Variants in OLFM1 observed in about 807,000 individuals in gnomAD.
The protein encoded by OLFM1 is noelin.
Under a neutral mutation model 49.7 loss-of-function variants are expected in OLFM1, and 9 were observed. That is an observed-to-expected ratio of 0.18 (90% confidence interval 0.11 to 0.32). The LOEUF is 0.32. Among genes scored for constraint, OLFM1 ranks in the 10% least tolerant of loss-of-function variants. The pLI is 1.00. For synonymous variants in OLFM1, 240 were observed against 271.8 expected (o/e 0.88, Z 1.15); for missense variants, 369 against 661.8 (o/e 0.56, Z 4.85).
At chr9:135,094,041 G>A (rs1348457724) in intron 2 of OLFM1, among the ~76,000 whole-genome samples, 6 of 152,210 alleles carry the variant, frequency 3.9e-5, no homozygotes, top group Non-Finnish European at 8.8e-5. Flanking sequence ...ACTGAGGCCA[G>A]CATGAGCTCA....
At chr9:135,086,680 G>C (rs1312382269), upstream of OLFM1, 1 of 456,074 alleles carries the variant, frequency 2.2e-6, no homozygotes, top group Non-Finnish European at 4.4e-6. Flanking sequence ...CTATTAACGT[G>C]TTTGACCCAG....
At chr9:135,118,975 G>A (rs977663317) in intron 5 of OLFM1, among the ~76,000 whole-genome samples, 6 of 151,360 alleles carry the variant, frequency 4.0e-5, no homozygotes, top group African/African-American at 4.9e-5. Flanking sequence ...AATGCTCGCC[G>A]GGTCTTTGGC....
chr9:135,082,804 C>T (rs1261503591), upstream of OLFM1, among the ~76,000 whole-genome samples: 1 of 152,138 alleles, frequency 6.6e-6, no homozygotes, highest in Non-Finnish European at 1.5e-5. Flanking sequence ...CTCCCAGGGG[C>T]TGCAGCAGTC....
At position 135,117,598 on chromosome 9, in the gene OLFM1, G is replaced by A. The variant is rs1831113241; in HGVS notation, c.784-1906G>A. On this transcript the variant is annotated intron_variant, in intron 5 of 5. Transcript: ENST00000371793. The surrounding 1 kb of genome is among the most constrained non-coding windows in gnomAD (Gnocchi z 5.5). ...GCCAGGTGGCTGTGCCCCTTCGAAG[G>A]CCCCCTTCAGCCCTGGGTTCTGTAC... 6.6e-6 allele frequency among the ~76,000 whole-genome samples: 1 copy of A among 152,170 alleles called. No individual in the cohort carries two copies. The highest frequency in any genetic ancestry group is 2.4e-5 in the African/African-American group (1 of 41,448).
At chr9:135,076,137 G>A (rs1830462106) in intron 1 of OLFM1, 3 of 1,549,550 alleles carry the variant, frequency 1.9e-6, no homozygotes, top group Non-Finnish European at 2.6e-6. Flanking sequence ...TCATCTGGAG[G>A]GGGAAGAGTG....
intron 5 of OLFM1, among the ~76,000 whole-genome samples, chr9:135,110,604 C>T (rs912005824): frequency 8.5e-5 from 13 of 152,130 alleles, no homozygotes; most frequent in East Asian, 1.9e-4. Context: ...GGCAGTGATC[C>T]GCCCGCCGCC....
upstream of OLFM1, among the ~76,000 whole-genome samples, chr9:135,084,322 TTCTCTCTC>T (rs537683074): frequency 6.7e-6 from 1 of 148,294 alleles, no homozygotes; most frequent in African/African-American, 2.6e-5. This position sits in a 1 kb window ranked among gnomAD's most constrained non-coding sequence, Gnocchi z 4.6. Flanking sequence ...TCTCTCTCTC[TTCTCTCTC>T]TGTCTCTCAT....
At chr9:135,114,308 A>G (rs2119140703) in intron 5 of OLFM1, among the ~76,000 whole-genome samples, 1 of 151,252 alleles carries the variant, frequency 6.6e-6, no homozygotes, top group Admixed American at 6.6e-5. Context: ...TTTAGTAGAG[A>G]CGAGGTTTCA....
intron 5 of OLFM1, among the ~76,000 whole-genome samples, chr9:135,115,058 T>A (rs1321017399): frequency 6.6e-6 from 1 of 152,140 alleles, no homozygotes; most frequent in Non-Finnish European, 1.5e-5. Context: ...TGGGACAATT[T>A]CCCCGCTGGA....
chr9:135,075,841 C>A (rs774057134), intron 1 of OLFM1: 2 of 1,551,532 alleles, frequency 1.3e-6, no homozygotes, highest in East Asian at 2.4e-5. Context: ...CTGCCAGGCG[C>A]CCGGCCCGGC....
chr9:135,106,508 C>T (rs1000985681), intron 4 of OLFM1: 11 of 516,758 alleles, frequency 2.1e-5, no homozygotes, highest in Admixed American at 1.4e-4. Flanking sequence ...CGTCTGCCCA[C>T]GGCTCTTCCC....
Position 135,119,484 on chromosome 9 carries a change from C to T in OLFM1, c.784-20C>T, listed in dbSNP as rs373779036. 76 of 1,567,486 alleles carry T rather than the reference C, an allele frequency of 4.8e-5. 1 individual carries two copies. The highest frequency in any genetic ancestry group is 3.5e-4 in the South Asian group (29 of 83,392). ...CTGGGTCTTTGGAAGTGCTCACCAC[C>T]GGGTCTGCTCTCTCCACAGGTGTGG... On this transcript the variant is annotated intron_variant, in intron 5 of 5. Coordinates refer to ENST00000371793, the MANE Select transcript of OLFM1 (RefSeq NM_001282611.2).
intron 1 of OLFM1, chr9:135,077,179 G>A: frequency 1.3e-6 from 2 of 1,542,394 alleles, no homozygotes; most frequent in Non-Finnish European, 1.8e-6. Flanking sequence ...TGCACACACA[G>A]GGGAGCAGAT....
chr9:135,119,603 C>CCA lies in OLFM1; in HGVS notation c.884_885insAC (p.His296ProfsTer31). 6.2e-7 allele frequency: 1 copy of CCA among 1,614,146 alleles called. No individual in the cohort carries two copies. The highest frequency in any genetic ancestry group is 8.5e-7 in the Non-Finnish European group (1 of 1,180,026). The stretch of plus-strand genomic sequence containing the variant: ...GGACAATTTCACCTCCCACCGTCTC[C>CCA]CCCACCCCTGGTCGGGCACGGGGCA... On this transcript the variant is annotated frameshift_variant, in exon 6 of 6. Coordinates refer to ENST00000371793, the MANE Select transcript of OLFM1 (RefSeq NM_001282611.2). LOFTEE classifies it high-confidence loss of function.
Position 135,090,314 on chromosome 9 carries a change from C to T in OLFM1, c.270C>T (p.Arg90=). ...AGACCATGTGTTCACGGGATGCCCG[C>T]ACAAAACAGCTGAGGCAGCTACTGG... The part of the protein sequence containing the change: ...PQQTMCSRDA[R]TKQLRQLLEK... Residue 90 remains arginine (R), a synonymous_variant, in exon 2 of 6, where the codon CGC becomes CGT. Coordinates refer to ENST00000371793, the MANE Select transcript of OLFM1 (RefSeq NM_001282611.2). 6.2e-7 allele frequency: 1 copy of T among 1,614,070 alleles called. No homozygotes were observed. Among genetic ancestry groups the T allele is most frequent in the South Asian group, 1.1e-5 (1 of 91,074 alleles).
At chr9:135,116,876 TG>T (rs201419230) in intron 5 of OLFM1, among the ~76,000 whole-genome samples, 1,549 of 134,540 alleles carry the variant, frequency 0.012, 13 homozygotes, top group Middle Eastern at 0.021. Context: ...GAGGCCCAGC[TG>T]AAAAAAAAAA....
In OLFM1 at chr9:135,112,017, G is replaced by C. The variant is rs543962509; in HGVS notation, c.783+5162G>C. On this transcript the variant is annotated intron_variant, in intron 5 of 5. Coordinates refer to ENST00000371793, the MANE Select transcript of OLFM1 (RefSeq NM_001282611.2). ...GGCGTGAGCCACCACGCCCAGCCAG[G>C]ACATTCTTAACCTTCTGTTCCTTGG... Among the ~76,000 whole-genome samples the C allele has an allele frequency of 5.3e-5, 8 of 152,294 alleles. No individual in the cohort carries two copies. In the East Asian group the frequency reaches 1.5e-3, roughly 29 times the overall value.
intron 3 of OLFM1, among the ~76,000 whole-genome samples, chr9:135,096,800 C>A (rs977299048): frequency 6.6e-6 from 1 of 152,168 alleles, no homozygotes. Flanking sequence ...CAAAGCATAC[C>A]ATAGACTTGC....
chr9:135,081,583 G>A (rs938045594), intron 1 of OLFM1, among the ~76,000 whole-genome samples: 7 of 152,162 alleles, frequency 4.6e-5, no homozygotes, highest in African/African-American at 1.4e-4. Flanking sequence ...TGCCTGCCCA[G>A]CTGCCTCAGT....
Sources: gnomAD v4.1 joint callset for allele counts (sites outside exome capture counted in the v4.1 genomes callset) on GRCh38, gnomAD v4.1.1 for gene constraint, Gnocchi (gnomAD v3.1) non-coding constraint, MANE v1.5 for transcripts, NCBI Gene and HGNC (gene_info 2026-07-23, HGNC 2026-07-21) for gene names.